IFT88: variants seen among roughly 807,000 people sequenced by gnomAD.
IFT88 encodes the protein intraflagellar transport 88, also known as intraflagellar transport protein 88 homolog.
Under a neutral mutation model 119.5 loss-of-function variants are expected in IFT88, and 74 were observed. The observed-to-expected ratio is 0.62, with a 90% CI of 0.51 to 0.75. IFT88 has a LOEUF of 0.75. Among genes scored for constraint, IFT88 ranks in the 30% least tolerant of loss-of-function variants. The probability of loss-of-function intolerance (pLI) is 0.00; values close to 1 mark genes in which losing one functional copy is unlikely to be tolerated. For missense variants in IFT88, 961 were observed against 977.7 expected, an observed-to-expected ratio of 0.98 and a Z score of 0.23; for synonymous variants, 279 against 316.7, an observed-to-expected ratio of 0.88 and a Z score of 1.26.
chr13:20,591,395 A>G (rs1015590934), intron 5 of IFT88, among the ~76,000 whole-genome samples: 6 of 152,076 alleles, frequency 3.9e-5, no homozygotes, highest in Non-Finnish European at 8.8e-5. Flanking sequence ...AAGCTGATTA[A>G]TTTTTTTTAA....
At chr13:20,602,632 TC>T (rs560450733) in intron 12 of IFT88, among the ~76,000 whole-genome samples, 142 of 152,162 alleles carry the variant, frequency 9.3e-4, no homozygotes, top group Admixed American at 1.7e-3. Flanking sequence ...CACCTGTAAT[TC>T]CAGCACTTTG....
At chr13:20,627,452 G>A (rs946032271) in intron 15 of IFT88, among the ~76,000 whole-genome samples, 55 of 152,168 alleles carry the variant, frequency 3.6e-4, no homozygotes, top group African/African-American at 1.1e-3. Flanking sequence ...TTAAGAGGCC[G>A]GGCGTGGTGG....
chr13:20,666,569 A>C (rs1413221699), intron 23 of IFT88, among the ~76,000 whole-genome samples: 2 of 152,184 alleles, frequency 1.3e-5, no homozygotes, highest in African/African-American at 4.8e-5. Flanking sequence ...AGTAGGTTTA[A>C]AGGGAAAAAA....
At chr13:20,630,741 C>T (rs1275031455) in intron 15 of IFT88, among the ~76,000 whole-genome samples, 1 of 152,142 alleles carries the variant, frequency 6.6e-6, no homozygotes, top group East Asian at 1.9e-4. Context: ...TTCCAGTCAC[C>T]AGGTCTCTCT....
At chr13:20,597,957 A>G (rs2138994102) in intron 9 of IFT88, among the ~76,000 whole-genome samples, 1 of 152,152 alleles carries the variant, frequency 6.6e-6, no homozygotes, top group South Asian at 2.1e-4. Flanking sequence ...TAGTGGGGAA[A>G]AAAAACTAAT....
intron 20 of IFT88, among the ~76,000 whole-genome samples, chr13:20,649,235 C>T (rs2051206600): frequency 6.6e-6 from 1 of 152,128 alleles, no homozygotes; most frequent in African/African-American, 2.4e-5. Flanking sequence ...GTACATGGAA[C>T]GTTCTCCAGG....
At chr13:20,640,902 T>G (rs1207757823) in intron 17 of IFT88, among the ~76,000 whole-genome samples, 1 of 152,122 alleles carries the variant, frequency 6.6e-6, no homozygotes, top group Non-Finnish European at 1.5e-5. Flanking sequence ...TCCCAGTACT[T>G]TGGGAGGCTG....
chr13:20,624,876 C>T (rs1039661337), intron 14 of IFT88, among the ~76,000 whole-genome samples: 1 of 152,134 alleles, frequency 6.6e-6, no homozygotes, highest in Non-Finnish European at 1.5e-5. Context: ...TGCATTACCA[C>T]ACATACTTGT....
intron 14 of IFT88, 117 bp downstream of exon 14, chr13:20,615,996 C>A: frequency 1.9e-6 from 1 of 521,526 alleles, no homozygotes. Flanking sequence ...TCATATTTAT[C>A]AAGCAGATAA....
intron 13 of IFT88, among the ~76,000 whole-genome samples, chr13:20,615,048 C>T (rs995900649): frequency 6.6e-6 from 1 of 152,120 alleles, no homozygotes; most frequent in African/African-American, 2.4e-5. Context: ...ATCTCCTGAC[C>T]TTGTGATCCA....
intron 14 of IFT88, among the ~76,000 whole-genome samples, chr13:20,620,027 G>C (rs1358251581): frequency 6.6e-6 from 1 of 151,958 alleles, no homozygotes; most frequent in Non-Finnish European, 1.5e-5. Context: ...TTTTGCCCTT[G>C]TTTCTATTTC....
chr13:20,672,706 C>G (rs2056089746), intron 24 of IFT88, among the ~76,000 whole-genome samples: 1 of 152,132 alleles, frequency 6.6e-6, no homozygotes, highest in South Asian at 2.1e-4. Flanking sequence ...ACATACTACC[C>G]AAGGAGAGCA....
chr13:20,637,759 C>A (rs2480423), intron 16 of IFT88, among the ~76,000 whole-genome samples: 32,253 of 152,192 alleles, frequency 0.21, 3,951 homozygotes, highest in African/African-American at 0.31. Context: ...CAAGTCTAGA[C>A]AAGAGGCTAA....
intron 21 of IFT88, among the ~76,000 whole-genome samples, chr13:20,654,831 C>T (rs999786679): frequency 6.6e-6 from 1 of 152,088 alleles, no homozygotes; most frequent in Non-Finnish European, 1.5e-5. Flanking sequence ...TTCATTTCAA[C>T]GTCAGTCATA....
intron 14 of IFT88, among the ~76,000 whole-genome samples, chr13:20,622,134 A>G (rs901511197): frequency 7.2e-5 from 11 of 152,164 alleles, no homozygotes; most frequent in Admixed American, 5.9e-4. Flanking sequence ...GAGCATCCCA[A>G]ATCCAGAGTC....
chr13:20,570,719 A>T (rs1241041720), intron 1 of IFT88, among the ~76,000 whole-genome samples: 1 of 152,120 alleles, frequency 6.6e-6, no homozygotes, highest in East Asian at 1.9e-4. Context: ...AGGCATGGAG[A>T]GCTGCTAACA....
chr13:20,638,019 C>T (rs1373597334), intron 16 of IFT88, among the ~76,000 whole-genome samples: 2 of 152,238 alleles, frequency 1.3e-5, no homozygotes, highest in Middle Eastern at 3.4e-3. Context: ...TTCAGGGCTT[C>T]AAGTGGGAGG....
chr13:20,687,192 G>T (rs1412520154), intron 24 of IFT88, among the ~76,000 whole-genome samples: 9 of 152,134 alleles, frequency 5.9e-5, no homozygotes, highest in African/African-American at 2.2e-4. Context: ...TTGCAGACTT[G>T]CTTAATAAGG....
chr13:20,685,199 C>G (rs975895619), intron 24 of IFT88, among the ~76,000 whole-genome samples: 1 of 152,190 alleles, frequency 6.6e-6, no homozygotes, highest in African/African-American at 2.4e-5. Flanking sequence ...GTTGTTAAGA[C>G]ACAGGCTGCT....
Sources: allele counts gnomAD v4.1 joint callset (sites outside exome capture counted in the v4.1 genomes callset), GRCh38; gene constraint gnomAD v4.1.1; transcripts MANE v1.5; gene names NCBI Gene and HGNC (gene_info 2026-07-23, HGNC 2026-07-21).